Variants in ADAMTS2 observed in about 807,000 individuals in gnomAD.
ADAMTS2 encodes the protein A disintegrin and metalloproteinase with thrombospondin motifs 2.
ADAMTS2 carries 50 observed loss-of-function variants against 123.0 expected under a neutral mutation model. The ratio of observed to expected loss-of-function variants is 0.41; its 90% CI spans 0.32 to 0.51. The LOEUF is 0.51. ADAMTS2 is among the 20% of genes least tolerant of loss of function. ADAMTS2 has a pLI of 0.35. For missense variants in ADAMTS2, 1,494 were observed against 1,705.2 expected, an observed-to-expected ratio of 0.88 and a Z score of 2.18; for synonymous variants, 678 against 695.4, an observed-to-expected ratio of 0.98 and a Z score of 0.39.
Position 179,260,515 on chromosome 5 carries a change from G to T in ADAMTS2, c.688+12396C>A, listed in dbSNP as rs1766189999. Among the ~76,000 whole-genome samples the T allele has an allele frequency of 2.0e-5, 3 of 152,110 alleles. No homozygotes were observed. Among genetic ancestry groups the T allele is most frequent in the African/African-American group, 4.8e-5 (2 of 41,398 alleles). On this transcript the variant is annotated intron_variant, in intron 3 of 21. Transcript: ENST00000251582. This position sits in a 1 kb window ranked among gnomAD's most constrained non-coding sequence, Gnocchi z 4.2. ...AGGCCCTCTGTCCAACAAACAGATG[G>T]GGTCACAGGCTACCGGGTTTTGCCA...
At chr5:179,224,270 T>C (rs747510645) in intron 3 of ADAMTS2, among the ~76,000 whole-genome samples, 1 of 152,186 alleles carries the variant, frequency 6.6e-6, no homozygotes, top group Non-Finnish European at 1.5e-5. Context: ...GCTGTCGCCA[T>C]GGCTCCCGGC....
At chr5:179,315,499 T>A (rs770537473) in intron 2 of ADAMTS2, among the ~76,000 whole-genome samples, 1 of 152,202 alleles carries the variant, frequency 6.6e-6, no homozygotes, top group Non-Finnish European at 1.5e-5. Context: ...ATCTCCCTTG[T>A]CCCGCTCACG....
chr5:179,200,288 G>A (rs191786875), intron 4 of ADAMTS2, among the ~76,000 whole-genome samples: 48 of 121,332 alleles, frequency 4.0e-4, no homozygotes, highest in African/African-American at 1.2e-3. Context: ...TCACTCTGTC[G>A]CCCAGACTGG....
chr5:179,208,348 C>T (rs929963622), intron 3 of ADAMTS2, among the ~76,000 whole-genome samples: 4 of 152,202 alleles, frequency 2.6e-5, no homozygotes, highest in African/African-American at 4.8e-5. Flanking sequence ...TCCACTGAAG[C>T]GAGGCCCCAC....
intron 2 of ADAMTS2, among the ~76,000 whole-genome samples, chr5:179,330,766 G>A (rs763910922): frequency 2.0e-5 from 3 of 152,194 alleles, no homozygotes; most frequent in Non-Finnish European, 4.4e-5. Context: ...GACACAGCCC[G>A]TGACAGCCTG....
At chr5:179,340,209 C>A (rs564321556) in intron 2 of ADAMTS2, among the ~76,000 whole-genome samples, 1 of 152,372 alleles carries the variant, frequency 6.6e-6, no homozygotes, top group African/African-American at 2.4e-5. Context: ...ACCATCTCCA[C>A]CGCCCAGCCC....
rs1031481532 is a variant in ADAMTS2 at position 179,228,228 on chromosome 5, A to C, written c.689-20513T>G. 1.3e-5 allele frequency among the ~76,000 whole-genome samples: 2 copies of C among 152,194 alleles called. No homozygotes were observed. Among genetic ancestry groups the C allele is most frequent in the Non-Finnish European group, 2.9e-5 (2 of 68,016 alleles). ...TGCAGAGCACCGCAGTGGCGCACAC[A>C]GATCAGTGTCCTGATCTGAAAAGTA... On this transcript the variant is annotated intron_variant, in intron 3 of 21. Transcript: ENST00000251582. This position sits in a 1 kb window ranked among gnomAD's most constrained non-coding sequence, Gnocchi z 5.2.
In ADAMTS2 at chr5:179,299,507, C is replaced by A. The variant is rs1465465570; in HGVS notation, c.535-26443G>T. 1.6e-4 allele frequency among the ~76,000 whole-genome samples: 21 copies of A among 134,884 alleles called. No individual in the cohort carries two copies. The East Asian group carries it at 4.1e-3, about 26-fold the overall frequency. The allele number at this position is 134,884 out of a possible 152,430, so 88.5% of individuals were successfully genotyped here. A position where few individuals can be genotyped will look rare whatever the true frequency, so the allele number is the denominator to read the frequency against. ...TCACACCACAGCACTCCAGCCTGGG[C>A]AACAGATCAAGACTCCAACTCAAAC... On this transcript the variant is annotated intron_variant, in intron 2 of 21. Coordinates refer to ENST00000251582, the MANE Select transcript of ADAMTS2 (RefSeq NM_014244.5).
chr5:179,147,561 T>C (rs113212275), intron 10 of ADAMTS2, among the ~76,000 whole-genome samples: 4 of 152,238 alleles, frequency 2.6e-5, no homozygotes, highest in African/African-American at 9.7e-5. Context: ...GGCACCTTTT[T>C]CTGCAAAGAT....
At chr5:179,152,303 C>T (rs752783227) in intron 9 of ADAMTS2, 48 bp from the exon 10 acceptor site, 4 of 1,584,152 alleles carry the variant, frequency 2.5e-6, no homozygotes, top group South Asian at 1.1e-5. Context: ...CCTCAGGGAC[C>T]TCCCAGGGAT....
intron 3 of ADAMTS2, among the ~76,000 whole-genome samples, chr5:179,249,613 T>C (rs887239394): frequency 6.6e-6 from 1 of 152,134 alleles, no homozygotes; most frequent in Non-Finnish European, 1.5e-5. Context: ...AAGAGAATAT[T>C]ATGTACAATT....
At chr5:179,251,858 T>G (rs1765934070) in intron 3 of ADAMTS2, among the ~76,000 whole-genome samples, 3 of 152,068 alleles carry the variant, frequency 2.0e-5, no homozygotes, top group Non-Finnish European at 4.4e-5. Context: ...CACTTTTTTT[T>G]TAATGCAGAG....
chr5:179,255,597 A>G (rs1766028000), intron 3 of ADAMTS2, among the ~76,000 whole-genome samples: 1 of 152,034 alleles, frequency 6.6e-6, no homozygotes, highest in Non-Finnish European at 1.5e-5. Context: ...GGGTCCCCTC[A>G]CTTTCTGTCC....
intron 2 of ADAMTS2, among the ~76,000 whole-genome samples, chr5:179,340,789 A>T (rs1757750538): frequency 6.6e-6 from 1 of 152,156 alleles, no homozygotes; most frequent in South Asian, 2.1e-4. Context: ...GTCAACTGTC[A>T]CTTACCATCA....
chr5:179,236,192 G>T (rs1765524418), intron 3 of ADAMTS2, among the ~76,000 whole-genome samples: 1 of 152,168 alleles, frequency 6.6e-6, no homozygotes, highest in Admixed American at 6.5e-5. Context: ...GTCCCTCTGT[G>T]CTGTGTTTGG....
intron 4 of ADAMTS2, among the ~76,000 whole-genome samples, chr5:179,191,124 G>A (rs1764295769): frequency 6.6e-6 from 1 of 152,250 alleles, no homozygotes; most frequent in African/African-American, 2.4e-5. Flanking sequence ...GAAGGACACG[G>A]CCGAGGCCTC....
At chr5:179,290,246 C>A (rs1171371669) in intron 2 of ADAMTS2, among the ~76,000 whole-genome samples, 2 of 152,064 alleles carry the variant, frequency 1.3e-5, no homozygotes, top group East Asian at 1.9e-4. Flanking sequence ...GATTAGTTCC[C>A]GAGCCTGGGT....
chr5:179,127,419 C>T (rs1007590449), intron 17 of ADAMTS2, among the ~76,000 whole-genome samples: 2 of 152,112 alleles, frequency 1.3e-5, no homozygotes, highest in African/African-American at 2.4e-5. Context: ...TGGTATCGCC[C>T]AGCCCCCAGG....
rs114143586 is a variant in ADAMTS2 at position 179,265,501 on chromosome 5, G to T, written c.688+7410C>A. The stretch of plus-strand genomic sequence containing the variant: ...GTGGAATAAGGGGGGCCCAGCCCTC[G>T]CTGGGGCTGCAAGCCTCGCTTCTGC... On this transcript the variant is annotated intron_variant, in intron 3 of 21. Transcript: ENST00000251582. Among the ~76,000 whole-genome samples, 482 of 152,286 alleles carry T rather than the reference G, an allele frequency of 3.2e-3. 3 individuals are homozygous for T. Among genetic ancestry groups the T allele is most frequent in the African/African-American group, 0.011 (464 of 41,574 alleles).
Sources: gnomAD v4.1 joint callset for allele counts (sites outside exome capture counted in the v4.1 genomes callset) on GRCh38, gnomAD v4.1.1 for gene constraint, Gnocchi (gnomAD v3.1) non-coding constraint, MANE v1.5 for transcripts, NCBI Gene and HGNC (gene_info 2026-07-23, HGNC 2026-07-21) for gene names.